DPY19L4: variants seen among roughly 807,000 people sequenced by gnomAD.
DPY19L4 encodes the protein probable C-mannosyltransferase DPY19L4.
A neutral mutation model predicts 102.8 loss-of-function variants in DPY19L4; 97 were observed. The observed-to-expected ratio is 0.94, with a 90% CI of 0.80 to 1.12. DPY19L4 has a LOEUF of 1.12. DPY19L4 is among the 50% of genes most tolerant of loss of function. The pLI is 0.00. For missense variants in DPY19L4, 815 were observed against 850.4 expected, an observed-to-expected ratio of 0.96 and a Z score of 0.52; for synonymous variants, 252 against 283.1, an observed-to-expected ratio of 0.89 and a Z score of 1.10.
In DPY19L4 at chr8:94,788,024, A is replaced by G; in HGVS notation, c.1979A>G (p.Lys660Arg). The part of the protein sequence containing the change: ...EVGPMRGCRV[K>R]DLLDIANGHM... ...GGACCCATGAGAGGCTGTAGGGTTA[A>G]AGATTTATTAGACATTGCAAATGGC... The change falls in exon 18 of 19, where the codon AAA (lysine) becomes AGA (arginine). Residue 660 changes from lysine (K) to arginine (R), a missense_variant. Transcript: ENST00000414645. The G allele has an allele frequency of 4.7e-6, 7 of 1,486,308 alleles. No individual in the cohort carries two copies. Among genetic ancestry groups the G allele is most frequent in the Non-Finnish European group, 5.4e-6 (6 of 1,118,972 alleles). 92.1% of individuals were successfully genotyped at this position (1,486,308 alleles called of 1,614,324 possible). A position where few individuals can be genotyped will look rare whatever the true frequency, so the allele number is the denominator to read the frequency against.
chr8:94,726,102 T>C (rs1810676915), intron 1 of DPY19L4, among the ~76,000 whole-genome samples: 4 of 152,210 alleles, frequency 2.6e-5, no homozygotes, highest in Admixed American at 2.6e-4. Flanking sequence ...AGCACATTGG[T>C]TTACTATTAG....
chr8:94,747,473 A>C (rs1811726813), intron 6 of DPY19L4, among the ~76,000 whole-genome samples: 1 of 152,012 alleles, frequency 6.6e-6, no homozygotes, highest in South Asian at 2.1e-4. Flanking sequence ...CACCACACGA[A>C]AGTGAGCACT....
At chr8:94,748,558 C>G (rs928781301) in intron 6 of DPY19L4, among the ~76,000 whole-genome samples, 2 of 152,136 alleles carry the variant, frequency 1.3e-5, no homozygotes, top group African/African-American at 4.8e-5. Flanking sequence ...CAGTACCCAT[C>G]AGAGGCCTGT....
chr8:94,739,014 A>C (rs1811318656), intron 4 of DPY19L4, among the ~76,000 whole-genome samples: 1 of 152,188 alleles, frequency 6.6e-6, no homozygotes, highest in African/African-American at 2.4e-5. Context: ...TGTGTTATGA[A>C]TATCCCAAAT....
At chr8:94,782,374 A>T (rs1223203261) in intron 16 of DPY19L4, among the ~76,000 whole-genome samples, 1 of 152,132 alleles carries the variant, frequency 6.6e-6, no homozygotes, top group East Asian at 1.9e-4. Flanking sequence ...GCAATTCTCA[A>T]TGTCAAGCAT....
chr8:94,723,648 G>T (rs1810568984), intron 1 of DPY19L4, among the ~76,000 whole-genome samples: 1 of 152,082 alleles, frequency 6.6e-6, no homozygotes. Flanking sequence ...TAGGGATAAG[G>T]TTGAAGAGAT....
At chr8:94,771,001 G>A (rs891461339) in intron 13 of DPY19L4, among the ~76,000 whole-genome samples, 25 of 148,758 alleles carry the variant, frequency 1.7e-4, no homozygotes, top group African/African-American at 6.0e-4. Context: ...TTCAACCTCC[G>A]CCTCCCAGGT....
Position 94,739,763 on chromosome 8 carries a change from T to G in DPY19L4, c.584T>G (p.Leu195Arg), listed in dbSNP as rs1202969798. 2.5e-6 allele frequency: 4 copies of G among 1,612,544 alleles called. No individual in the cohort carries two copies. The highest frequency in any genetic ancestry group is 1.1e-5 in the South Asian group (1 of 91,026). The change falls in exon 6 of 19, where the codon CTT becomes CGT. Residue 195 changes from leucine (L) to arginine (R), a missense_variant. Leu to Arg is a moderately radical substitution (Grantham distance 102, BLOSUM62 -2). Transcript: ENST00000414645. ...AGTGGAACATGGCTAGCAGGAATGC[T>G]TACTGTTGCGTGGTTCGTTATTAAC... ...LMSGTWLAGMLTVAWFVINRV... is the reference protein window; with the variant it reads ...LMSGTWLAGMRTVAWFVINRV...
chr8:94,724,542 AG>A (rs2130781393), intron 1 of DPY19L4, among the ~76,000 whole-genome samples: 1 of 152,252 alleles, frequency 6.6e-6, no homozygotes, highest in East Asian at 1.9e-4. Flanking sequence ...AAATACTCAA[AG>A]TCTGGGGTAT....
In DPY19L4 at chr8:94,747,782, G is replaced by A. The variant is rs146585902; in HGVS notation, c.611+7992G>A. ...TCACCATGTTAGCCAGGATGGTCTC[G>A]ATCTCCTGACCTCATGATCCACCCG... On this transcript the variant is annotated intron_variant, in intron 6 of 18. Coordinates refer to ENST00000414645, the MANE Select transcript of DPY19L4 (RefSeq NM_181787.3). Among the ~76,000 whole-genome samples the A allele has an allele frequency of 8.9e-3, 1,348 of 151,956 alleles. 14 individuals are homozygous for A. The highest frequency in any genetic ancestry group is 0.031 in the African/African-American group (1,282 of 41,458).
chr8:94,762,743 T>A (rs779873112), intron 8 of DPY19L4, among the ~76,000 whole-genome samples: 23 of 151,662 alleles, frequency 1.5e-4, no homozygotes, highest in Non-Finnish European at 2.9e-4. Flanking sequence ...CTACAAAAAA[T>A]TTTTAAAAAT....
rs539333414 is a variant in DPY19L4 at position 94,782,137 on chromosome 8, C to A, written c.1715+971C>A. 2.2e-3 allele frequency among the ~76,000 whole-genome samples: 338 copies of A among 152,128 alleles called. 4 individuals are homozygous for A. Among genetic ancestry groups the A allele is most frequent in the Non-Finnish European group, 2.1e-3 (145 of 68,010 alleles). ...GCCACAAAACTTAGTGGCTTACAAA[C>A]AATAAACATTTGTTATTCCACACCA... On this transcript the variant is annotated intron_variant, in intron 16 of 18. Transcript: ENST00000414645.
At chr8:94,779,227 A>AAG (rs1429865137) in intron 14 of DPY19L4, among the ~76,000 whole-genome samples, 2 of 151,486 alleles carry the variant, frequency 1.3e-5, no homozygotes, top group Non-Finnish European at 2.9e-5. Flanking sequence ...ATTAAAAAAA[A>AAG]AAAACCAAGG....
rs1409876544 is a variant in DPY19L4 at position 94,793,228 on chromosome 8, G to T, written c.*3318G>T. 6.6e-6 allele frequency: 1 copy of T among 152,162 alleles called. No homozygotes were observed. The highest frequency in any genetic ancestry group is 1.9e-4 in the East Asian group (1 of 5,202). The allele number at this position is 152,162 out of a possible 1,614,324, so 9.4% of individuals were successfully genotyped here. On this transcript the variant is annotated 3_prime_UTR_variant, in exon 19 of 19. Transcript: ENST00000414645. ...AAAGCAGAAATGGAAGTCAAAGTGT[G>T]TTATAAATTGAGACTGAAAAACATG... is the stretch of plus-strand genomic sequence containing the variant.
intron 6 of DPY19L4, among the ~76,000 whole-genome samples, chr8:94,741,329 C>T (rs181707958): frequency 3.2e-4 from 49 of 151,854 alleles, no homozygotes; most frequent in African/African-American, 1.2e-3. Flanking sequence ...AAGCATTTAC[C>T]TAACAGTTGT....
chr8:94,730,821 C>T (rs546636285), intron 2 of DPY19L4, among the ~76,000 whole-genome samples: 5 of 142,518 alleles, frequency 3.5e-5, no homozygotes, highest in African/African-American at 1.0e-4. Flanking sequence ...TCTCAGCTCA[C>T]CGCAACCTCC....
chr8:94,752,649 A>T (rs1182190657), intron 6 of DPY19L4, among the ~76,000 whole-genome samples: 11 of 139,916 alleles, frequency 7.9e-5, no homozygotes, highest in African/African-American at 2.6e-4. Flanking sequence ...TTCATTTATT[A>T]GTTTTAGTAT....
rs186432375 is a variant in DPY19L4, at chr8:94,742,224, G to A, written c.611+2434G>A. Among the ~76,000 whole-genome samples the A allele has an allele frequency of 3.9e-3, 590 of 152,166 alleles. 4 individuals are homozygous for A. The highest frequency in any genetic ancestry group is 0.014 in the African/African-American group (571 of 41,560). ...ATACAAAAAATTAGCCAAGTGTGGT[G>A]GCGGGCGCCTGTAGTCCCAGCTACT... is the stretch of plus-strand genomic sequence containing the variant. On this transcript the variant is annotated intron_variant, in intron 6 of 18. Transcript: ENST00000414645.
intron 6 of DPY19L4, among the ~76,000 whole-genome samples, chr8:94,755,064 A>T (rs1315137779): frequency 5.3e-5 from 8 of 152,210 alleles, no homozygotes; most frequent in Non-Finnish European, 1.5e-5. Context: ...CTAGGATTAC[A>T]GGCATGATCC....
Sources: allele counts gnomAD v4.1 joint callset (sites outside exome capture counted in the v4.1 genomes callset), GRCh38; gene constraint gnomAD v4.1.1; transcripts MANE v1.5; gene names NCBI Gene and HGNC (gene_info 2026-07-23, HGNC 2026-07-21).